Variants in S100A1 observed in about 807,000 individuals in gnomAD.
The protein encoded by S100A1 is protein S100-A1.
S100A1 carries 3 observed loss-of-function variants against 7.6 expected under a neutral mutation model. The ratio of observed to expected loss-of-function variants is 0.40; its 90% CI spans 0.18 to 1.02. The LOEUF (loss-of-function observed/expected upper bound fraction) is 1.02. Among genes scored for constraint, S100A1 ranks in the 50% least tolerant of loss-of-function variants. S100A1 has a pLI of 0.35. For missense variants in S100A1, 126 were observed against 115.0 expected, an observed-to-expected ratio of 1.10 and a Z score of -0.44; for synonymous variants, 49 against 49.0, an observed-to-expected ratio of 1.00 and a Z score of 0.00.
In S100A1 at chr1:153,631,556, TGAG is replaced by T. The variant is rs759032451; in HGVS notation, c.142-137_142-135del. 3.1e-6 allele frequency: 5 copies of T among 1,613,828 alleles called. No homozygotes were observed. In the South Asian group the frequency reaches 4.4e-5, roughly 14 times the overall value. ...AGGCAACAGAAGCCCTCAAGACCTTTGAGGAGGCCTAGAAGAGTCCCATAATTC... is the reference window on the plus strand; with the variant it reads ...AGGCAACAGAAGCCCTCAAGACCTTTGAGGCCTAGAAGAGTCCCATAATTC... On this transcript the variant is annotated intron_variant, in intron 2 of 2. Coordinates refer to ENST00000292169, the MANE Select transcript of S100A1 (RefSeq NM_006271.2).
In S100A1 at chr1:153,628,509, C is replaced by T. The variant is rs1296027349; in HGVS notation, c.-14+13C>T. 8.4e-6 allele frequency: 13 copies of T among 1,550,568 alleles called. No homozygotes were observed. Among genetic ancestry groups the T allele is most frequent in the Admixed American group, 2.0e-5 (1 of 50,994 alleles). On this transcript the variant is annotated intron_variant, in intron 1 of 2. Coordinates refer to ENST00000292169, the MANE Select transcript of S100A1 (RefSeq NM_006271.2). Reference sequence around the variant, plus strand: ...GCCCAGGCCAACCGTGAGTACCCTGCCCCACTGGGCTAGTCCCTGGCCTGC... The same window carrying T: ...GCCCAGGCCAACCGTGAGTACCCTGTCCCACTGGGCTAGTCCCTGGCCTGC...
At position 153,631,799 on chromosome 1, in the gene S100A1, T is replaced by G. The variant is rs1321710387; in HGVS notation, c.243T>G (p.Ala81=). Reference sequence around the variant, plus strand: ...AGGAGTATGTGGTGCTTGTGGCTGCTCTCACAGTGGCCTGTAACAATTTCT... The same window carrying G: ...AGGAGTATGTGGTGCTTGTGGCTGCGCTCACAGTGGCCTGTAACAATTTCT... ...DFQEYVVLVA[A]LTVACNNFFW... The change falls in exon 3 of 3, where the codon GCT becomes GCG. Residue 81 remains alanine, a synonymous_variant. Coordinates refer to ENST00000292169, the MANE Select transcript of S100A1 (RefSeq NM_006271.2). 4 of 1,614,134 alleles carry G rather than the reference T, an allele frequency of 2.5e-6. No individual in the cohort carries two copies. Among genetic ancestry groups the G allele is most frequent in the Admixed American group, 1.7e-5 (1 of 60,024 alleles).
chr1:153,630,702 G>A (rs948861899), intron 2 of S100A1, 40 bp downstream of exon 2: 4 of 1,606,456 alleles, frequency 2.5e-6, no homozygotes, highest in African/African-American at 2.7e-5. Context: ...AGTGGGTGAA[G>A]GTTGGGGGAA....
intron 1 of S100A1, 195 bp from the exon 2 acceptor site, chr1:153,630,314 A>G: frequency 3.2e-6 from 2 of 630,254 alleles, no homozygotes; most frequent in Non-Finnish European, 5.3e-6. Flanking sequence ...AGGGACACAG[A>G]GAACAGGCCT....
chr1:153,628,574 G>T, intron 1 of S100A1, 78 bp downstream of exon 1: 1 of 1,533,958 alleles, frequency 6.5e-7, no homozygotes, highest in African/African-American at 1.4e-5. Context: ...GCTCCAAGAG[G>T]CTGGGGACCA....
rs1258837597 is a variant in S100A1 at position 153,631,764 on chromosome 1, G to A, written c.208G>A (p.Val70Met). The change falls in exon 3 of 3, where the codon GTG becomes ATG. Residue 70 changes from valine (V) to methionine (M), a missense_variant. By Grantham distance (21) the Val-to-Met change is conservative. Coordinates refer to ENST00000292169, the MANE Select transcript of S100A1 (RefSeq NM_006271.2). ...KELDENGDGE[V>M]DFQEYVVLVA... The stretch of plus-strand genomic sequence containing the variant: ...GCTAGACGAGAATGGAGACGGGGAG[G>A]TGGACTTCCAGGAGTATGTGGTGCT... The A allele has an allele frequency of 6.2e-7, 1 of 1,614,216 alleles. No individual in the cohort carries two copies. Among genetic ancestry groups the A allele is most frequent in the Admixed American group, 1.7e-5 (1 of 60,026 alleles).
intron 1 of S100A1, chr1:153,629,945 C>T (rs1180209363): frequency 6.4e-6 from 1 of 155,480 alleles, no homozygotes; most frequent in African/African-American, 2.4e-5. Flanking sequence ...TGAGACCTCC[C>T]TCCCCCAGAA....
At position 153,631,978 on chromosome 1, in the gene S100A1, G is replaced by A. The variant is rs561376486; in HGVS notation, c.*137G>A. The A allele has an allele frequency of 3.5e-5, 33 of 933,362 alleles. No individual in the cohort carries two copies. The East Asian group carries it at 3.8e-4, about 11-fold the overall frequency. 57.8% of individuals were successfully genotyped at this position (933,362 alleles called of 1,614,324 possible). ...CCCCACCCCCACCCCCACCAAGGGC[G>A]CAAGAGTAGCGGTCCAAGCCTGCAA... On this transcript the variant is annotated 3_prime_UTR_variant, in exon 3 of 3. Transcript: ENST00000292169.
intron 1 of S100A1, 113 bp from the exon 2 acceptor site, chr1:153,630,396 A>C: frequency 7.5e-7 from 1 of 1,334,888 alleles, no homozygotes. Context: ...TAGGGCTCTA[A>C]TCCCACAGCT....
chr1:153,631,948 GCCCACCCCACC>G lies in S100A1; in HGVS notation c.*116_*126del. 2 of 1,199,004 alleles carry G rather than the reference GCCCACCCCACC, an allele frequency of 1.7e-6. No homozygotes were observed. Among genetic ancestry groups the G allele is most frequent in the Non-Finnish European group, 2.2e-6 (2 of 921,760 alleles). The allele number at this position is 1,199,004 out of a possible 1,614,324, so 74.3% of individuals were successfully genotyped here. A position where few individuals can be genotyped will look rare whatever the true frequency, so the allele number is the denominator to read the frequency against. ...TATCCCTCTCCATAACCCCACCCTT[GCCCACCCCACC>G]CCCACCCCCACCAAGGGCGCAAGAG... On this transcript the variant is annotated 3_prime_UTR_variant, in exon 3 of 3. Coordinates refer to ENST00000292169, the MANE Select transcript of S100A1 (RefSeq NM_006271.2).
intron 2 of S100A1, 123 bp downstream of exon 2, chr1:153,630,785 G>T: frequency 7.5e-7 from 1 of 1,339,566 alleles, no homozygotes; most frequent in Non-Finnish European, 1.0e-6. Context: ...TCCTTTCCCA[G>T]GCTTCTCTCC....
At chr1:153,628,538 C>A in intron 1 of S100A1, 42 bp downstream of exon 1, 9 of 1,548,800 alleles carry the variant, frequency 5.8e-6, no homozygotes, top group Non-Finnish European at 7.9e-6. Context: ...GGCCTGCCAG[C>A]TTCAGGGAGA....
intron 1 of S100A1, chr1:153,630,291 G>C (rs1667930124): frequency 1.8e-6 from 1 of 566,648 alleles, no homozygotes; most frequent in Non-Finnish European, 3.0e-6. Flanking sequence ...CCCTCTGGCT[G>C]GGGTACAGAC....
intron 1 of S100A1, chr1:153,629,509 AGGG>A (rs1291174817): frequency 1.3e-5 from 2 of 152,334 alleles, no homozygotes; most frequent in African/African-American, 4.8e-5. Context: ...AGACTGTCCC[AGGG>A]CCAAGGGAAA....
chr1:153,629,990 T>C (rs879815448), intron 1 of S100A1: 15 of 158,102 alleles, frequency 9.5e-5, no homozygotes, highest in Non-Finnish European at 1.9e-4. Context: ...CCATCCCCTC[T>C]ACCAGGCTGA....
intron 1 of S100A1, chr1:153,629,282 T>C (rs1459562436): frequency 6.6e-6 from 1 of 152,192 alleles, no homozygotes; most frequent in Non-Finnish European, 1.5e-5. Context: ...AAGCACCCCT[T>C]ATCCCCTCAT....
intron 1 of S100A1, chr1:153,628,810 C>T (rs1407884682): frequency 5.2e-6 from 2 of 386,072 alleles, no homozygotes; most frequent in African/African-American, 2.0e-5. Context: ...CCAAGGCCCC[C>T]TCTGTCTCCC....
In S100A1 at chr1:153,631,978, G is replaced by T; in HGVS notation, c.*137G>T. 1 of 933,370 alleles carries T rather than the reference G, an allele frequency of 1.1e-6. No homozygotes were observed. Among genetic ancestry groups the T allele is most frequent in the Non-Finnish European group, 1.5e-6 (1 of 652,794 alleles). 57.8% of individuals were successfully genotyped at this position (933,370 alleles called of 1,614,324 possible). A position where few individuals can be genotyped will look rare whatever the true frequency, so the allele number is the denominator to read the frequency against. On this transcript the variant is annotated 3_prime_UTR_variant, in exon 3 of 3. Transcript: ENST00000292169. The stretch of plus-strand genomic sequence containing the variant: ...CCCCACCCCCACCCCCACCAAGGGC[G>T]CAAGAGTAGCGGTCCAAGCCTGCAA...
At chr1:153,630,110 C>T in intron 1 of S100A1, 1 of 269,082 alleles carries the variant, frequency 3.7e-6, no homozygotes. Flanking sequence ...GCTAGACAGG[C>T]AAGGTCCAGG....
Sources: gnomAD v4.1 joint callset for allele counts on GRCh38, gnomAD v4.1.1 for gene constraint, MANE v1.5 for transcripts, NCBI Gene and HGNC (gene_info 2026-07-23, HGNC 2026-07-21) for gene names.